The following B3GALT1 variants were observed in gnomAD, a reference collection of about 807,000 sequenced individuals.
B3GALT1 encodes the protein beta-1,3-galactosyltransferase 1.
A neutral mutation model predicts 23.2 loss-of-function variants in B3GALT1; 10 were observed. That is an observed-to-expected ratio of 0.43 (90% CI 0.27 to 0.73). The LOEUF (loss-of-function observed/expected upper bound fraction) is 0.73, where lower values mean the gene tolerates loss of function less well. B3GALT1 is among the 30% of genes least tolerant of loss of function. The probability of loss-of-function intolerance (pLI) is 0.21; values close to 1 mark genes in which losing one functional copy is unlikely to be tolerated. For missense variants in B3GALT1, 299 were observed against 405.4 expected, an observed-to-expected ratio of 0.74 and a Z score of 2.25; for synonymous variants, 156 against 141.5, an observed-to-expected ratio of 1.10 and a Z score of -0.73.
chr2:167,429,567 AT>A (rs199980384), intron 1 of B3GALT1, among the ~76,000 whole-genome samples: 3 of 151,904 alleles, frequency 2.0e-5, no homozygotes, highest in Admixed American at 6.6e-5. Flanking sequence ...AATAGTGAAA[AT>A]TTTTTTTTAT....
intron 2 of B3GALT1, among the ~76,000 whole-genome samples, chr2:167,545,864 T>C (rs1157131366): frequency 6.6e-6 from 1 of 152,208 alleles, no homozygotes; most frequent in East Asian, 1.9e-4. Context: ...ATTTCTGAAA[T>C]TTTTAAGGTT....
At chr2:167,364,451 T>G (rs1223591403) in intron 1 of B3GALT1, among the ~76,000 whole-genome samples, 2 of 152,044 alleles carry the variant, frequency 1.3e-5, no homozygotes, top group African/African-American at 4.8e-5. Context: ...AACCATTAAC[T>G]TGTCATAGGT....
chr2:167,449,972 C>CA (rs1177096071), intron 1 of B3GALT1, among the ~76,000 whole-genome samples: 1 of 152,056 alleles, frequency 6.6e-6, no homozygotes, highest in Non-Finnish European at 1.5e-5. Flanking sequence ...ATCTTTTTGA[C>CA]ACGCTTTTGG....
At chr2:167,660,903 G>C (rs1686049533) in intron 3 of B3GALT1, among the ~76,000 whole-genome samples, 1 of 152,144 alleles carries the variant, frequency 6.6e-6, no homozygotes, top group Non-Finnish European at 1.5e-5. Flanking sequence ...AAAGTAATGA[G>C]AGAGAATTTC....
At chr2:167,410,495 A>C (rs1390769256) in intron 1 of B3GALT1, among the ~76,000 whole-genome samples, 1 of 2,378 alleles carries the variant, frequency 4.2e-4, no homozygotes, top group Admixed American at 0.02. Flanking sequence ...CATCTCAAAA[A>C]AAAAAAAAAA....
At chr2:167,774,491 T>TG (rs1558974760) in intron 3 of B3GALT1, among the ~76,000 whole-genome samples, 1 of 80,916 alleles carries the variant, frequency 1.2e-5, no homozygotes, top group Non-Finnish European at 2.1e-5. Flanking sequence ...TTTTGTTTTT[T>TG]TTTTTGTTTT....
intron 1 of B3GALT1, among the ~76,000 whole-genome samples, chr2:167,322,633 G>A (rs1315778141): frequency 6.6e-6 from 1 of 152,068 alleles, no homozygotes; most frequent in African/African-American, 2.4e-5. Context: ...GAATGAATAA[G>A]AGATTCTGAT....
At chr2:167,445,349 G>C (rs920803263) in intron 1 of B3GALT1, among the ~76,000 whole-genome samples, 4 of 152,200 alleles carry the variant, frequency 2.6e-5, no homozygotes, top group African/African-American at 9.7e-5. Context: ...CTGTTGATTT[G>C]GGGTGAAGAG....
intron 3 of B3GALT1, among the ~76,000 whole-genome samples, chr2:167,686,568 A>T (rs1051830217): frequency 6.6e-6 from 1 of 152,216 alleles, no homozygotes; most frequent in East Asian, 1.9e-4. Context: ...TTATTTGATG[A>T]TTTTGTTTTT....
intron 3 of B3GALT1, among the ~76,000 whole-genome samples, chr2:167,764,082 C>T (rs1687938045): frequency 6.6e-6 from 1 of 152,172 alleles, no homozygotes; most frequent in African/African-American, 2.4e-5. Flanking sequence ...ACTTTTATCT[C>T]AATTTTCAAC....
chr2:167,706,912 A>G lies in B3GALT1; in HGVS notation c.-352+59946A>G, dbSNP rs557055865. On this transcript the variant is annotated intron_variant, in intron 3 of 4. Transcript: ENST00000392690. ...AGACCAATAGAATCTGACAGAAGTG[A>G]AAGTATATTACTTCCCAAGCTAGGT... is the stretch of plus-strand genomic sequence containing the variant. Among the ~76,000 whole-genome samples, 10 of 152,378 alleles carry G rather than the reference A, an allele frequency of 6.6e-5. No homozygotes were observed. The South Asian group carries it at 2.1e-3, about 32-fold the overall frequency.
At chr2:167,392,711 A>G (rs929699434) in intron 1 of B3GALT1, among the ~76,000 whole-genome samples, 1 of 152,316 alleles carries the variant, frequency 6.6e-6, no homozygotes, top group Non-Finnish European at 1.5e-5. Context: ...TTTTGGGGAA[A>G]AAACCCATAA....
intron 1 of B3GALT1, among the ~76,000 whole-genome samples, chr2:167,329,647 A>G (rs1335103464): frequency 6.6e-6 from 1 of 152,086 alleles, no homozygotes; most frequent in Non-Finnish European, 1.5e-5. Context: ...GGGCGCTGCA[A>G]TTTTGGATGC....
At chr2:167,501,499 T>C (rs1222920278) in intron 2 of B3GALT1, among the ~76,000 whole-genome samples, 1 of 151,940 alleles carries the variant, frequency 6.6e-6, no homozygotes, top group Non-Finnish European at 1.5e-5. Context: ...TTCTGATTTT[T>C]GTTTAAAGTT....
At chr2:167,580,605 G>A (rs1201592685) in intron 2 of B3GALT1, among the ~76,000 whole-genome samples, 1 of 152,086 alleles carries the variant, frequency 6.6e-6, no homozygotes, top group Non-Finnish European at 1.5e-5. Flanking sequence ...ACCACTCTCT[G>A]TTGGGCCTGA....
At chr2:167,389,969 G>T (rs904712780) in intron 1 of B3GALT1, among the ~76,000 whole-genome samples, 2 of 151,560 alleles carry the variant, frequency 1.3e-5, no homozygotes, top group Non-Finnish European at 2.9e-5. Context: ...ATGAGAAGAG[G>T]TTCTGGAAAT....
chr2:167,669,928 G>C (rs1686293337), intron 3 of B3GALT1, among the ~76,000 whole-genome samples: 1 of 152,196 alleles, frequency 6.6e-6, no homozygotes, highest in Admixed American at 6.5e-5. Flanking sequence ...GCAGTGAAAA[G>C]GGGCATGGGC....
intron 2 of B3GALT1, among the ~76,000 whole-genome samples, chr2:167,581,742 T>G (rs11893481): frequency 0.19 from 28,594 of 152,174 alleles, 5,702 homozygotes; most frequent in African/African-American, 0.5. Flanking sequence ...GCAGAGGCTG[T>G]TAAAAAACCA....
intron 1 of B3GALT1, among the ~76,000 whole-genome samples, chr2:167,336,198 C>A (rs1486255765): frequency 6.6e-6 from 1 of 152,050 alleles, no homozygotes; most frequent in Non-Finnish European, 1.5e-5. Context: ...TAGTTTTCTA[C>A]ATATCAACCT....
Sources: allele counts gnomAD v4.1 joint callset (sites outside exome capture counted in the v4.1 genomes callset), GRCh38; gene constraint gnomAD v4.1.1; transcripts MANE v1.5; gene names NCBI Gene and HGNC (gene_info 2026-07-23, HGNC 2026-07-21).